Variants in FHL3 observed in about 807,000 individuals in gnomAD.
The protein encoded by FHL3 is four and a half LIM domains 3.
A neutral mutation model predicts 34.3 loss-of-function variants in FHL3; 21 were observed. The observed-to-expected ratio is 0.61, with a 90% CI of 0.43 to 0.88. FHL3 has a LOEUF of 0.88. Ranked by LOEUF, FHL3 falls within the 40% of genes least tolerant of loss-of-function variation. FHL3 has a pLI of 0.00. For synonymous variants in FHL3, 137 were observed against 144.6 expected, an observed-to-expected ratio of 0.95 and a Z score of 0.38; for missense variants, 333 against 373.7, an observed-to-expected ratio of 0.89 and a Z score of 0.90.
intron 1 of FHL3, among the ~76,000 whole-genome samples, chr1:38,003,939 T>C (rs1646619385): frequency 6.6e-6 from 1 of 152,012 alleles, no homozygotes; most frequent in Non-Finnish European, 1.5e-5. Context: ...ATGCCAACCA[T>C]TCAATCCTTC....
In FHL3 at chr1:37,997,361, C is replaced by A. The variant is rs976460388; in HGVS notation, c.*44G>T. The A allele has an allele frequency of 1.3e-6, 2 of 1,595,686 alleles. No individual in the cohort carries two copies. Among genetic ancestry groups the A allele is most frequent in the East Asian group, 2.2e-5 (1 of 44,778 alleles). On this transcript the variant is annotated 3_prime_UTR_variant, in exon 6 of 6. Coordinates refer to ENST00000373016, the MANE Select transcript of FHL3 (RefSeq NM_004468.5). This position sits in a 1 kb window ranked among gnomAD's most constrained non-coding sequence, Gnocchi z 4.3. ...GGTGGTTTAGAAAAGGAGCCACAGT[C>A]CTGGGCCCGTGGTATGGGAAAGCCT...
chr1:37,998,271 G>A (rs557494177), intron 3 of FHL3, 139 bp from the exon 4 acceptor site: 15 of 696,168 alleles, frequency 2.2e-5, no homozygotes, highest in East Asian at 5.4e-5. Flanking sequence ...GAACCCCCCC[G>A]CCCTATGTAT....
At chr1:38,003,030 C>T (rs773702818) in intron 1 of FHL3, among the ~76,000 whole-genome samples, 19 of 151,824 alleles carry the variant, frequency 1.3e-4, no homozygotes, top group African/African-American at 2.2e-4. Context: ...TGGTGGCGGG[C>T]GCCTGTAAGC....
At chr1:38,002,033 G>A (rs574577711) in intron 1 of FHL3, among the ~76,000 whole-genome samples, 61 of 152,032 alleles carry the variant, frequency 4.0e-4, no homozygotes, top group African/African-American at 1.4e-3. Flanking sequence ...TACTATTAGC[G>A]CCCTCACTCA....
At chr1:37,998,635 C>T (rs1038984951) in intron 3 of FHL3, 6 of 314,544 alleles carry the variant, frequency 1.9e-5, no homozygotes, top group Non-Finnish European at 3.6e-5. Context: ...TGCAGGTCCC[C>T]ACACATGTTA....
At chr1:38,001,006 G>T (rs376547757) in intron 1 of FHL3, among the ~76,000 whole-genome samples, 1 of 152,174 alleles carries the variant, frequency 6.6e-6, no homozygotes, top group Non-Finnish European at 1.5e-5. Flanking sequence ...CCCCCAGTGC[G>T]AAATTCTTGA....
chr1:37,998,332 A>G (rs1646556890), intron 3 of FHL3, among the ~76,000 whole-genome samples, 200 bp from the exon 4 acceptor site: 1 of 152,116 alleles, frequency 6.6e-6, no homozygotes, highest in South Asian at 2.1e-4. Flanking sequence ...ACCCAGCTAG[A>G]CACGAGGGTT....
At position 37,997,126 on chromosome 1, in the gene FHL3, G is replaced by C; in HGVS notation, c.*279C>G. On this transcript the variant is annotated 3_prime_UTR_variant, in exon 6 of 6. Coordinates refer to ENST00000373016, the MANE Select transcript of FHL3 (RefSeq NM_004468.5). The surrounding 1 kb of genome is among the most constrained non-coding windows in gnomAD (Gnocchi z 4.3). ...GGTCTAGAGCCCTGATTTGGGGAGA[G>C]GACTCAGTCTGGGAACCCAGACTGC... The C allele has an allele frequency of 2.6e-6, 1 of 391,522 alleles. No homozygotes were observed. 24.3% of individuals were successfully genotyped at this position (391,522 alleles called of 1,614,324 possible).
Position 37,997,360 on chromosome 1 carries a change from T to TCCTGGGCCCGTGGTATGGGAAAG in FHL3, c.*22_*44dup. Reference sequence around the variant, plus strand: ...AGGTGGTTTAGAAAAGGAGCCACAGTCCTGGGCCCGTGGTATGGGAAAGCC... The same window carrying TCCTGGGCCCGTGGTATGGGAAAG: ...AGGTGGTTTAGAAAAGGAGCCACAGTCCTGGGCCCGTGGTATGGGAAAGCCTGGGCCCGTGGTATGGGAAAGCC... On this transcript the variant is annotated 3_prime_UTR_variant, in exon 6 of 6. Coordinates refer to ENST00000373016, the MANE Select transcript of FHL3 (RefSeq NM_004468.5). This position sits in a 1 kb window ranked among gnomAD's most constrained non-coding sequence, Gnocchi z 4.3. The TCCTGGGCCCGTGGTATGGGAAAG allele has an allele frequency of 6.3e-7, 1 of 1,592,414 alleles. No homozygotes were observed. The highest frequency in any genetic ancestry group is 8.5e-7 in the Non-Finnish European group (1 of 1,169,654).
At position 37,997,958 on chromosome 1, in the gene FHL3, C is replaced by G. The variant is rs1207555085; in HGVS notation, c.501+5G>C. 6.2e-7 allele frequency: 1 copy of G among 1,613,544 alleles called. No individual in the cohort carries two copies. The highest frequency in any genetic ancestry group is 8.5e-7 in the Non-Finnish European group (1 of 1,179,854). On this transcript the variant is annotated splice_donor_5th_base_variant and intron_variant, in intron 4 of 5. Transcript: ENST00000373016. The surrounding 1 kb of genome is among the most constrained non-coding windows in gnomAD (Gnocchi z 4.3). ...TCACCCCCACCTGGCTGGCCCAGCC[C>G]CCACCTTGCTGCAGCGGGCGCAGCG...
Position 37,997,785 on chromosome 1 carries a change from G to T in FHL3, c.587C>A (p.Ala196Glu). 2 of 1,614,108 alleles carry T rather than the reference G, an allele frequency of 1.2e-6. No individual in the cohort carries two copies. Among genetic ancestry groups the T allele is most frequent in the Non-Finnish European group, 1.7e-6 (2 of 1,179,984 alleles). The change falls in exon 5 of 6, where the codon GCA (alanine) becomes GAA (glutamate). Residue 196 changes from alanine to glutamate, a missense_variant. By Grantham distance (107) the Ala-to-Glu change is moderately radical. Coordinates refer to ENST00000373016, the MANE Select transcript of FHL3 (RefSeq NM_004468.5). The surrounding 1 kb of genome is among the most constrained non-coding windows in gnomAD (Gnocchi z 4.3). ...LVCTGCQTPL[A>E]GQQFTSRDED... ...ATCCCGGGAGGTGAACTGCTGCCCT[G>T]CCAGGGGCGTCTGGCATCCGGTACA...
At chr1:38,004,566 T>G (rs1241532011) in intron 1 of FHL3, among the ~76,000 whole-genome samples, 1 of 152,136 alleles carries the variant, frequency 6.6e-6, no homozygotes, top group Non-Finnish European at 1.5e-5. Context: ...TCTTTAGGTT[T>G]TGGACGGCTC....
In FHL3 at chr1:37,998,794, C is replaced by A. The variant is rs182990440; in HGVS notation, c.331+180G>T. ...GTATGTATCACATGTGTCAATCTGC[C>A]TGTACATAGTAGCCCCCAGGAGTAT... is the stretch of plus-strand genomic sequence containing the variant. On this transcript the variant is annotated intron_variant, in intron 3 of 5. Coordinates refer to ENST00000373016, the MANE Select transcript of FHL3 (RefSeq NM_004468.5). The A allele has an allele frequency of 2.2e-3, 1,377 of 625,322 alleles. 6 individuals are homozygous for A. The highest frequency in any genetic ancestry group is 3.2e-3 in the Non-Finnish European group (1,160 of 357,666). 38.7% of individuals were successfully genotyped at this position (625,322 alleles called of 1,614,324 possible). A position where few individuals can be genotyped will look rare whatever the true frequency, so the allele number is the denominator to read the frequency against.
Position 37,998,030 on chromosome 1 carries a change from T to C in FHL3, c.434A>G (p.Lys145Arg), listed in dbSNP as rs749200855. The C allele has an allele frequency of 3.1e-6, 5 of 1,614,112 alleles. No individual in the cohort carries two copies. The highest frequency in any genetic ancestry group is 1.7e-5 in the Admixed American group (1 of 60,016). Residue 145 changes from lysine to arginine, a missense_variant, in exon 4 of 6, where the codon AAG becomes AGG. Lys to Arg is a conservative substitution (Grantham distance 26, BLOSUM62 2). Transcript: ENST00000373016. ...PLGSRSFVPD[K>R]GAHYCVPCYE... Reference sequence around the variant, plus strand: ...GCAGGGCACGCAGTAGTGAGCACCCTTGTCGGGCACAAAAGAACGGGAGCC... The same window carrying C: ...GCAGGGCACGCAGTAGTGAGCACCCCTGTCGGGCACAAAAGAACGGGAGCC...
In FHL3 at chr1:37,997,840, C is replaced by T. The variant is rs1053551861; in HGVS notation, c.532G>A (p.Asp178Asn). 3 of 1,613,992 alleles carry T rather than the reference C, an allele frequency of 1.9e-6. No homozygotes were observed. Among genetic ancestry groups the T allele is most frequent in the Non-Finnish European group, 2.5e-6 (3 of 1,179,908 alleles). The change falls in exon 5 of 6, where the codon GAT (aspartate) becomes AAT (asparagine). Residue 178 changes from aspartate (D) to asparagine (N), a missense_variant. By Grantham distance (23) the Asp-to-Asn change is conservative. Coordinates refer to ENST00000373016, the MANE Select transcript of FHL3 (RefSeq NM_004468.5). The surrounding 1 kb of genome is among the most constrained non-coding windows in gnomAD (Gnocchi z 4.3). ...AGACATTCTCGATGCCACGGCTGAT[C>T]ACGGTATGTCACTCCACCCTGTGTC... is the stretch of plus-strand genomic sequence containing the variant. ...TLTQGGVTYR[D>N]QPWHRECLVC...
intron 1 of FHL3, 82 bp downstream of exon 1, chr1:38,005,275 C>G (rs1465897451): frequency 6.6e-6 from 1 of 151,402 alleles, no homozygotes; most frequent in Non-Finnish European, 1.5e-5. Context: ...TGGCCTCAGC[C>G]CTCCGCGGGT....
rs1646634540 is a variant in FHL3, at chr1:38,005,403, C to T, written c.-67G>A. On this transcript the variant is annotated 5_prime_UTR_variant, in exon 1 of 6. Coordinates refer to ENST00000373016, the MANE Select transcript of FHL3 (RefSeq NM_004468.5). The stretch of plus-strand genomic sequence containing the variant: ...GGGGAGCGCGCGGCGCAGGCGGGGC[C>T]GGGAACCGGGCGCCGCGTCCCTCGG... 1 of 149,266 alleles carries T rather than the reference C, an allele frequency of 6.7e-6. No homozygotes were observed. The allele number at this position is 149,266 out of a possible 1,614,324, so 9.2% of individuals were successfully genotyped here.
At chr1:37,998,245 C>T (rs528129937) in intron 3 of FHL3, 113 bp from the exon 4 acceptor site, 28 of 911,786 alleles carry the variant, frequency 3.1e-5, no homozygotes, top group East Asian at 1.8e-4. Context: ...GGGTGGTGTC[C>T]GTGCACATGC....
rs1013327227 is a variant in FHL3 at position 38,002,165 on chromosome 1, C to T, written c.-20-2733G>A. Among the ~76,000 whole-genome samples the T allele has an allele frequency of 1.8e-4, 27 of 151,072 alleles. 1 individual carries two copies. The highest frequency in any genetic ancestry group is 5.9e-4 in the Admixed American group (9 of 15,142). On this transcript the variant is annotated intron_variant, in intron 1 of 5. Coordinates refer to ENST00000373016, the MANE Select transcript of FHL3 (RefSeq NM_004468.5). ...CCAGGCTGGGGTACAGTGGCGCAAT[C>T]TCGGCTCACTGCAACCTCCACCTCC...
Sources: allele counts gnomAD v4.1 joint callset (sites outside exome capture counted in the v4.1 genomes callset), GRCh38; gene constraint gnomAD v4.1.1; non-coding constraint Gnocchi (gnomAD v3.1); transcripts MANE v1.5; gene names NCBI Gene and HGNC (gene_info 2026-07-23, HGNC 2026-07-21).